Variants in GLIS3 observed in about 807,000 individuals in gnomAD.
GLIS3 encodes zinc finger protein GLIS3.
A neutral mutation model predicts 78.6 loss-of-function variants in GLIS3; 53 were observed. That is an observed-to-expected ratio of 0.67 (90% CI 0.54 to 0.85). The LOEUF (loss-of-function observed/expected upper bound fraction) is 0.85. Ranked by LOEUF, GLIS3 falls within the 40% of genes least tolerant of loss-of-function variation. The pLI is 0.00. For missense variants in GLIS3, 1,703 were observed against 1,231.1 expected, an observed-to-expected ratio of 1.38 and a Z score of -5.74; for synonymous variants, 684 against 509.9, an observed-to-expected ratio of 1.34 and a Z score of -4.60.
intron 2 of GLIS3, among the ~76,000 whole-genome samples, chr9:4,188,743 G>A (rs1196419946): frequency 6.6e-6 from 1 of 152,164 alleles, no homozygotes; most frequent in Admixed American, 6.5e-5. Flanking sequence ...ATGTGTCGAG[G>A]AATGTATCCA....
intron 2 of GLIS3, among the ~76,000 whole-genome samples, chr9:4,244,884 T>C (rs1356227417): frequency 1.3e-5 from 2 of 152,254 alleles, no homozygotes; most frequent in East Asian, 3.9e-4. Context: ...CCACAAGGAA[T>C]TTTTAAATCT....
intron 2 of GLIS3, among the ~76,000 whole-genome samples, chr9:4,159,478 G>C (rs898902183): frequency 7.9e-5 from 12 of 152,176 alleles, no homozygotes; most frequent in African/African-American, 2.9e-4. Flanking sequence ...CAGCACTTTA[G>C]GAGCCCGAGG....
chr9:4,288,098 T>C (rs10123313), intron 1 of GLIS3, among the ~76,000 whole-genome samples: 139,600 of 152,228 alleles, frequency 0.92, 64,741 homozygotes, highest in Non-Finnish European at 0.98. Context: ...AGTTCTTACA[T>C]TGGTAAAATT....
Position 4,181,250 on chromosome 9 carries a change from C to G in GLIS3, c.389-55309G>C, listed in dbSNP as rs146934034. Among the ~76,000 whole-genome samples the G allele has an allele frequency of 4.4e-3, 666 of 152,358 alleles. 4 individuals carry two copies. The highest frequency in any genetic ancestry group is 7.8e-3 in the Admixed American group (120 of 15,304). On this transcript the variant is annotated intron_variant, in intron 2 of 10. Transcript: ENST00000381971. ...CCCACCCATCTGCTGGACACTAGGG[C>G]TGACCATGGACAGCACTCGCCTCAT...
intron 2 of GLIS3, among the ~76,000 whole-genome samples, chr9:4,194,982 A>C (rs1157248776): frequency 6.6e-6 from 1 of 152,212 alleles, no homozygotes; most frequent in African/African-American, 2.4e-5. Context: ...AAGGCATTTT[A>C]GTCTCAGCCC....
intron 4 of GLIS3, among the ~76,000 whole-genome samples, chr9:3,981,863 C>T (rs1276498067): frequency 6.6e-6 from 1 of 152,120 alleles, no homozygotes; most frequent in Non-Finnish European, 1.5e-5. Context: ...AAATTGCTTT[C>T]ATGGGACATT....
At chr9:4,042,757 C>G (rs1195373649) in intron 4 of GLIS3, among the ~76,000 whole-genome samples, 1 of 152,078 alleles carries the variant, frequency 6.6e-6, no homozygotes, top group African/African-American at 2.4e-5. Flanking sequence ...TGGCAGTATT[C>G]TTTGGAAAAC....
At chr9:4,425,966 C>T in the GLIS3 span, among the ~76,000 whole-genome samples, 1 of 152,164 alleles carries the variant, frequency 6.6e-6, no homozygotes, top group Non-Finnish European at 1.5e-5. Flanking sequence ...CAGTGGTTTG[C>T]AAAGGGTATT....
At chr9:4,312,573 C>G (rs757774293) in intron 2 of GLIS3, among the ~76,000 whole-genome samples, 2 of 152,260 alleles carry the variant, frequency 1.3e-5, no homozygotes, top group African/African-American at 4.8e-5. Context: ...TATAGTTATA[C>G]ATATGAAAAA....
the GLIS3 span, among the ~76,000 whole-genome samples, chr9:4,435,766 A>AAG: frequency 3.9e-5 from 6 of 151,984 alleles, no homozygotes; most frequent in East Asian, 5.8e-4. Flanking sequence ...TGGCTAATAC[A>AAG]GTGAAACCCT....
intron 4 of GLIS3, among the ~76,000 whole-genome samples, chr9:3,941,918 G>A (rs1206280039): frequency 6.6e-6 from 1 of 152,068 alleles, no homozygotes; most frequent in Non-Finnish European, 1.5e-5. Flanking sequence ...ACTTGATTAC[G>A]ATTGTTGACA....
intron 2 of GLIS3, among the ~76,000 whole-genome samples, chr9:4,279,960 ATAT>A (rs375786013): frequency 1.4e-3 from 210 of 152,200 alleles, no homozygotes; most frequent in Non-Finnish European, 2.2e-3. Context: ...AATTTATATC[ATAT>A]TAATAATGTA....
intron 2 of GLIS3, among the ~76,000 whole-genome samples, chr9:4,219,239 G>T (rs1821113898): frequency 1.3e-5 from 2 of 152,200 alleles, no homozygotes; most frequent in South Asian, 4.1e-4. Flanking sequence ...AACGAGACCT[G>T]ACCAACATCA....
chr9:4,048,608 A>G (rs1332798293), intron 4 of GLIS3, among the ~76,000 whole-genome samples: 2 of 152,190 alleles, frequency 1.3e-5, no homozygotes, highest in South Asian at 2.1e-4. Flanking sequence ...TGAAGACAGA[A>G]GCATCTCTTC....
intron 4 of GLIS3, among the ~76,000 whole-genome samples, chr9:4,114,590 C>G (rs1831485761): frequency 6.6e-6 from 1 of 152,168 alleles, no homozygotes; most frequent in Non-Finnish European, 1.5e-5. Flanking sequence ...TAAAGAGATT[C>G]AGCACCTAGA....
the GLIS3 span, among the ~76,000 whole-genome samples, chr9:4,467,640 C>G: frequency 6.6e-6 from 1 of 152,256 alleles, no homozygotes; most frequent in African/African-American, 2.4e-5. Context: ...ACATCACCAT[C>G]ATCAAAGAAC....
chr9:4,360,629 T>C, the GLIS3 span, among the ~76,000 whole-genome samples: 1 of 152,218 alleles, frequency 6.6e-6, no homozygotes, highest in Admixed American at 6.5e-5. Context: ...ATGAGAGATA[T>C]CCAGTCCTTT....
At chr9:3,898,499 T>G (rs1823035742) in intron 7 of GLIS3, 192 bp downstream of exon 7, 4 of 679,904 alleles carry the variant, frequency 5.9e-6, no homozygotes, top group Non-Finnish European at 8.0e-6. Flanking sequence ...TTTTATTTCT[T>G]TATGAGAAAA....
Position 4,118,910 on chromosome 9 carries a change from A to G in GLIS3, c.597-29T>C. The G allele has an allele frequency of 6.3e-7, 1 of 1,595,730 alleles. No homozygotes were observed. The highest frequency in any genetic ancestry group is 8.5e-7 in the Non-Finnish European group (1 of 1,177,750). ...GAACAGCAGCCAGAAAGGAAGAAAA[A>G]AAAAAGATAAACATTTTAGCAGGAT... On this transcript the variant is annotated intron_variant, in intron 3 of 10. Transcript: ENST00000381971. The surrounding 1 kb of genome is among the most constrained non-coding windows in gnomAD (Gnocchi z 4.7).
Sources: gnomAD v4.1 joint callset for allele counts (sites outside exome capture counted in the v4.1 genomes callset) on GRCh38, gnomAD v4.1.1 for gene constraint, Gnocchi (gnomAD v3.1) non-coding constraint, MANE v1.5 for transcripts, NCBI Gene and HGNC (gene_info 2026-07-23, HGNC 2026-07-21) for gene names.